ZNF414: variants seen among roughly 807,000 people sequenced by gnomAD.
ZNF414 encodes zinc finger protein 414.
Under a neutral mutation model 38.3 loss-of-function variants are expected in ZNF414, and 32 were observed. The observed-to-expected ratio is 0.83, with a 90% CI of 0.63 to 1.12. The LOEUF (loss-of-function observed/expected upper bound fraction) is 1.12. Ranked by LOEUF, ZNF414 falls within the 50% of genes most tolerant of loss-of-function variation. ZNF414 has a pLI of 0.00. For missense variants in ZNF414, 589 were observed against 557.4 expected, an observed-to-expected ratio of 1.06 and a Z score of -0.57; for synonymous variants, 256 against 248.0, an observed-to-expected ratio of 1.03 and a Z score of -0.30.
intron 4 of ZNF414, 136 bp downstream of exon 4, chr19:8,512,251 A>G (rs528296212): frequency 9.5e-5 from 137 of 1,447,796 alleles, no homozygotes; most frequent in Middle Eastern, 2.2e-4. Flanking sequence ...CAGGGAGTTG[A>G]GGGCGGGGCT....
At position 8,511,787 on chromosome 19, in the gene ZNF414, G is replaced by A. The variant is rs375198071; in HGVS notation, c.704C>T (p.Pro235Leu). 3.2e-5 allele frequency: 45 copies of A among 1,413,548 alleles called. No individual in the cohort carries two copies. In the African/African-American group the frequency reaches 5.9e-4, roughly 18 times the overall value. The allele number at this position is 1,413,548 out of a possible 1,614,324, so 87.6% of individuals were successfully genotyped here. A position where few individuals can be genotyped will look rare whatever the true frequency, so the allele number is the denominator to read the frequency against. Residue 235 changes from proline (P) to leucine (L), a missense_variant, in exon 5 of 8, where the codon CCG becomes CTG. Pro to Leu is a moderately conservative substitution (Grantham distance 98, BLOSUM62 -3). Coordinates refer to ENST00000393927, the MANE Select transcript of ZNF414 (RefSeq NM_001146175.2). ...CGTGAAGGGTTCCAGCAGCGGGAAC[G>A]GCAGGCCCGGCGCTGATGCGGGGTC... The part of the protein sequence containing the change: ...EVDPASAPGL[P>L]FPLLEPFTTP...
rs750942538 is a variant in ZNF414, at chr19:8,512,404, T to A, written c.513A>T (p.Lys171Asn). The change falls in exon 4 of 8, where the codon AAA becomes AAT. Residue 171 changes from lysine (K) to asparagine (N), a missense_variant. Physicochemically the swap from Lys to Asn is moderately conservative, Grantham distance 94. Coordinates refer to ENST00000393927, the MANE Select transcript of ZNF414 (RefSeq NM_001146175.2). Reference sequence around the variant, plus strand: ...GGTCTCACTTGAAGTAGCGATTGGGTTTGTAGTGCAGTTTGCTGTGAGCCA... The same window carrying A: ...GGTCTCACTTGAAGTAGCGATTGGGATTGTAGTGCAGTTTGCTGTGAGCCA... ...ELVAHSKLHY[K>N]PNRYFKCENC... 6.2e-7 allele frequency: 1 copy of A among 1,613,420 alleles called. No homozygotes were observed. Among genetic ancestry groups the A allele is most frequent in the South Asian group, 1.1e-5 (1 of 91,050 alleles).
At chr19:8,513,990 T>TC (rs1407892188) in intron 1 of ZNF414, 54 bp downstream of exon 1, 8 of 1,403,260 alleles carry the variant, frequency 5.7e-6, no homozygotes, top group Non-Finnish European at 7.4e-6. Flanking sequence ...ACAGGGCCGC[T>TC]CCCCGCCAGT....
At chr19:8,513,420 G>A in intron 1 of ZNF414, 79 bp from the exon 2 acceptor site, 1 of 1,379,584 alleles carries the variant, frequency 7.2e-7, no homozygotes, top group Non-Finnish European at 9.7e-7. Context: ...GGAATCACCA[G>A]CAGGAGAGGA....
chr19:8,510,624 T>G lies in ZNF414; in HGVS notation c.*67A>C. 7 of 1,330,350 alleles carry G rather than the reference T, an allele frequency of 5.3e-6. No homozygotes were observed. The highest frequency in any genetic ancestry group is 3.0e-5 in the African/African-American group (2 of 67,480). 82.4% of individuals were successfully genotyped at this position (1,330,350 alleles called of 1,614,324 possible). On this transcript the variant is annotated 3_prime_UTR_variant, in exon 8 of 8. Coordinates refer to ENST00000393927, the MANE Select transcript of ZNF414 (RefSeq NM_001146175.2). ...CTTTATTGTCCACCCCAGCCCCCCT[T>G]CCCTGCAGCCCCCTCCAAATGACAA... is the stretch of plus-strand genomic sequence containing the variant.
chr19:8,510,537 G>A lies in ZNF414; in HGVS notation c.*154C>T, dbSNP rs73922124. 2,210 of 862,318 alleles carry A rather than the reference G, an allele frequency of 2.6e-3. 37 individuals are homozygous for A. The African/African-American group carries it at 0.034, about 13-fold the overall frequency. The allele number at this position is 862,318 out of a possible 1,614,324, so 53.4% of individuals were successfully genotyped here. ...ATCAATCCATGACTGCTGGGCTCGA[G>A]CCCACTATGCTTTGGATGGACAAGG... On this transcript the variant is annotated 3_prime_UTR_variant, in exon 8 of 8. Coordinates refer to ENST00000393927, the MANE Select transcript of ZNF414 (RefSeq NM_001146175.2).
chr19:8,512,452 G>T lies in ZNF414; in HGVS notation c.465C>A (p.Thr155=). The change falls in exon 4 of 8, where the codon ACC becomes ACA. Residue 155 remains threonine, a synonymous_variant. Transcript: ENST00000393927. ...FRCSALSCTE[T]FPSMQELVAH... Reference sequence around the variant, plus strand: ...CCACCAGCTCCTGCATGCTGGGGAAGGTCTCGGTGCAGCTCAGGGCTGAGC... The same window carrying T: ...CCACCAGCTCCTGCATGCTGGGGAATGTCTCGGTGCAGCTCAGGGCTGAGC... The T allele has an allele frequency of 6.2e-7, 1 of 1,614,226 alleles. No individual in the cohort carries two copies. The highest frequency in any genetic ancestry group is 1.1e-5 in the South Asian group (1 of 91,084).
intron 4 of ZNF414, 104 bp from the exon 5 acceptor site, chr19:8,512,064 G>T (rs1971925452): frequency 2.1e-6 from 3 of 1,399,674 alleles, no homozygotes; most frequent in Non-Finnish European, 9.2e-7. Context: ...CGGAGCCTGG[G>T]CACTAATCAC....
chr19:8,512,741 G>A, intron 2 of ZNF414, 30 bp from the exon 3 acceptor site: 1 of 1,469,712 alleles, frequency 6.8e-7, no homozygotes, highest in Non-Finnish European at 9.0e-7. Flanking sequence ...GTGGTCACTG[G>A]TCCCTTCCTC....
At chr19:8,512,891 C>T in intron 2 of ZNF414, 138 bp downstream of exon 2, 1 of 1,259,784 alleles carries the variant, frequency 7.9e-7, no homozygotes, top group South Asian at 1.7e-5. Flanking sequence ...ATTGGAGCCA[C>T]AGCCTGGCAT....
chr19:8,512,574 C>T (rs1971933747), intron 3 of ZNF414, 30 bp downstream of exon 3: 1 of 1,598,942 alleles, frequency 6.3e-7, no homozygotes. Context: ...CCACCCTAAC[C>T]TGCCTCCCCA....
Position 8,511,779 on chromosome 19 carries a change from G to A in ZNF414, c.712C>T (p.Leu238=), listed in dbSNP as rs780239913. Reference sequence around the variant, plus strand: ...GCGGGGGTCGTGAAGGGTTCCAGCAGCGGGAACGGCAGGCCCGGCGCTGAT... The same window carrying A: ...GCGGGGGTCGTGAAGGGTTCCAGCAACGGGAACGGCAGGCCCGGCGCTGAT... The part of the protein sequence containing the change: ...PASAPGLPFP[L]LEPFTTPAPA... The change falls in exon 5 of 8, where the codon CTG becomes TTG. Residue 238 remains leucine, a synonymous_variant. Transcript: ENST00000393927. 183 of 1,423,648 alleles carry A rather than the reference G, an allele frequency of 1.3e-4. 2 individuals carry two copies. Among genetic ancestry groups the A allele is most frequent in the Non-Finnish European group, 4.2e-5 (46 of 1,097,394 alleles). The allele number at this position is 1,423,648 out of a possible 1,614,324, so 88.2% of individuals were successfully genotyped here.
chr19:8,513,556 G>A (rs1294780589), intron 1 of ZNF414, among the ~76,000 whole-genome samples: 2 of 152,138 alleles, frequency 1.3e-5, no homozygotes, highest in Non-Finnish European at 2.9e-5. Flanking sequence ...GCCTCCCAAA[G>A]TGCTGGGATT....
rs2145805824 is a variant in ZNF414, at chr19:8,510,861, G to A, written c.1089C>T (p.Asp363=). Residue 363 remains aspartate (D), a synonymous_variant, in exon 7 of 8, where the codon GAC becomes GAT. Transcript: ENST00000393927. The stretch of plus-strand genomic sequence containing the variant: ...ATTCCTCGGCCTTACCCGCGGGGGC[G>A]TCGGGGCGCGGCGGCCCGGCCGCGG... ...AAPAAGPPRP[D]APADPAPLAP... is the part of the protein sequence containing the mutation. 3 of 1,145,062 alleles carry A rather than the reference G, an allele frequency of 2.6e-6. No individual in the cohort carries two copies. The highest frequency in any genetic ancestry group is 3.3e-6 in the Non-Finnish European group (3 of 919,764). 70.9% of individuals were successfully genotyped at this position (1,145,062 alleles called of 1,614,324 possible). A position where few individuals can be genotyped will look rare whatever the true frequency, so the allele number is the denominator to read the frequency against.
intron 7 of ZNF414, 27 bp downstream of exon 7, chr19:8,510,824 C>G: frequency 6.8e-7 from 1 of 1,469,692 alleles, no homozygotes; most frequent in Non-Finnish European, 9.1e-7. Context: ...CCGCCCCCCT[C>G]TCCACCCGCG....
intron 7 of ZNF414, 22 bp downstream of exon 7, chr19:8,510,829 C>T (rs778755546): frequency 4.2e-6 from 6 of 1,436,788 alleles, no homozygotes; most frequent in Non-Finnish European, 5.6e-6. Flanking sequence ...CCCCTCTCCA[C>T]CCGCGCATTC....
At position 8,512,591 on chromosome 19, in the gene ZNF414, G is replaced by A; in HGVS notation, c.424+13C>T. 1 of 1,593,572 alleles carries A rather than the reference G, an allele frequency of 6.3e-7. No homozygotes were observed. Among genetic ancestry groups the A allele is most frequent in the Non-Finnish European group, 8.6e-7 (1 of 1,168,690 alleles). On this transcript the variant is annotated intron_variant, in intron 3 of 7. Transcript: ENST00000393927. ...ACCCTAACCTGCCTCCCCATTACCA[G>A]TCCTGGCCCTACCTTCCAGGGACTG... is the stretch of plus-strand genomic sequence containing the variant.
chr19:8,510,648 A>C lies in ZNF414; in HGVS notation c.*43T>G. On this transcript the variant is annotated 3_prime_UTR_variant, in exon 8 of 8. Transcript: ENST00000393927. ...TTCCCTGCAGCCCCCTCCAAATGAC[A>C]AAACTACCCACATCCCATGGCCCAC... 6.9e-7 allele frequency: 1 copy of C among 1,455,412 alleles called. No individual in the cohort carries two copies. The highest frequency in any genetic ancestry group is 9.2e-7 in the Non-Finnish European group (1 of 1,082,482). 90.2% of individuals were successfully genotyped at this position (1,455,412 alleles called of 1,614,324 possible). A position where few individuals can be genotyped will look rare whatever the true frequency, so the allele number is the denominator to read the frequency against.
chr19:8,514,110 C>A lies in ZNF414; in HGVS notation c.-64G>T, dbSNP rs1043483084. 6.3e-6 allele frequency: 9 copies of A among 1,428,498 alleles called. No homozygotes were observed. The highest frequency in any genetic ancestry group is 8.2e-6 in the Non-Finnish European group (9 of 1,093,164). 88.5% of individuals were successfully genotyped at this position (1,428,498 alleles called of 1,614,324 possible). A position where few individuals can be genotyped will look rare whatever the true frequency, so the allele number is the denominator to read the frequency against. Reference sequence around the variant, plus strand: ...CGGCTGCAGCTTAGGCGGCGGCCACCCTCTGGGCAGTGCGAGTTCGCGCTC... The same window carrying A: ...CGGCTGCAGCTTAGGCGGCGGCCACACTCTGGGCAGTGCGAGTTCGCGCTC... On this transcript the variant is annotated 5_prime_UTR_variant, in exon 1 of 8. Coordinates refer to ENST00000393927, the MANE Select transcript of ZNF414 (RefSeq NM_001146175.2).
Sources: gnomAD v4.1 joint callset for allele counts (sites outside exome capture counted in the v4.1 genomes callset) on GRCh38, gnomAD v4.1.1 for gene constraint, MANE v1.5 for transcripts, NCBI Gene and HGNC (gene_info 2026-07-23, HGNC 2026-07-21) for gene names.